The following NACC2 variants were observed in gnomAD, a reference collection of about 807,000 sequenced individuals.
NACC2 encodes NACC family member 2.
NACC2 carries 8 observed loss-of-function variants against 25.1 expected under a neutral mutation model. That is an observed-to-expected ratio of 0.32 (90% confidence interval 0.19 to 0.57). NACC2 has a LOEUF of 0.57. NACC2 is among the 20% of genes least tolerant of loss of function. The probability of loss-of-function intolerance (pLI) is 0.89; values close to 1 mark genes in which losing one functional copy is unlikely to be tolerated. For missense variants in NACC2, 644 were observed against 650.2 expected (o/e 0.99, Z 0.10); for synonymous variants, 435 against 294.7 (o/e 1.48, Z -4.88).
rs1019154810 is a variant in NACC2, at chr9:136,007,502, T to C, written c.*4014A>G. 32 of 130,160 alleles carry C rather than the reference T, an allele frequency of 2.5e-4. No individual in the cohort carries two copies. The highest frequency in any genetic ancestry group is 1.1e-3 in the Admixed American group (14 of 12,852). 8.1% of individuals were successfully genotyped at this position (130,160 alleles called of 1,614,324 possible). A position where few individuals can be genotyped will look rare whatever the true frequency, so the allele number is the denominator to read the frequency against. On this transcript the variant is annotated 3_prime_UTR_variant, in exon 6 of 6. Transcript: ENST00000277554. The stretch of plus-strand genomic sequence containing the variant: ...ACGCACACACGCACAGACACACACA[T>C]GCACAGACGCGCACACACAGACGCA...
intron 2 of NACC2, among the ~76,000 whole-genome samples, chr9:136,036,583 C>T (rs1304587425): frequency 2.0e-5 from 3 of 151,982 alleles, no homozygotes; most frequent in Non-Finnish European, 4.4e-5. Context: ...TAGCTGACAA[C>T]TGGCTATTAT....
At chr9:136,071,270 C>T (rs937220132) in intron 1 of NACC2, among the ~76,000 whole-genome samples, 4 of 150,662 alleles carry the variant, frequency 2.7e-5, no homozygotes, top group South Asian at 2.1e-4. Context: ...AAAGGCTGGG[C>T]GCGGTGGCTC....
intron 2 of NACC2, among the ~76,000 whole-genome samples, chr9:136,029,428 A>G (rs1840441347): frequency 1.3e-5 from 2 of 152,258 alleles, no homozygotes; most frequent in South Asian, 4.1e-4. Context: ...TTGTCTGCAT[A>G]CCTCATTTTC....
At chr9:136,082,479 A>G (rs1157260394) in intron 1 of NACC2, among the ~76,000 whole-genome samples, 3 of 152,176 alleles carry the variant, frequency 2.0e-5, no homozygotes, top group Admixed American at 6.5e-5. Flanking sequence ...AGGTCTGGGC[A>G]GGTGTGTGCA....
chr9:136,028,092 C>G (rs1282546457), intron 2 of NACC2, among the ~76,000 whole-genome samples: 1 of 151,882 alleles, frequency 6.6e-6, no homozygotes, highest in African/African-American at 2.4e-5. Context: ...AAACCCCCAT[C>G]TCTACTAAAA....
At chr9:136,057,925 T>C (rs964951204) in intron 1 of NACC2, among the ~76,000 whole-genome samples, 1 of 152,138 alleles carries the variant, frequency 6.6e-6, no homozygotes, top group Non-Finnish European at 1.5e-5. Flanking sequence ...ACCCAGCCCA[T>C]TAGAGACGGC....
intron 1 of NACC2, among the ~76,000 whole-genome samples, chr9:136,051,555 G>A (rs1319717450): frequency 6.6e-6 from 1 of 152,254 alleles, no homozygotes; most frequent in East Asian, 1.9e-4. Context: ...CAACTCCGCA[G>A]GGCCGCACAA....
chr9:136,013,362 C>T lies in NACC2; in HGVS notation c.1158-66G>A. On this transcript the variant is annotated intron_variant, in intron 4 of 5. Transcript: ENST00000277554. This position sits in a 1 kb window ranked among gnomAD's most constrained non-coding sequence, Gnocchi z 6.6. ...GGGGAGGGTACCTGGAGGCGACCCG[C>T]CCGCACGAATGCCCTGCTGGGAGGC... 2 of 1,475,294 alleles carry T rather than the reference C, an allele frequency of 1.4e-6. No homozygotes were observed. Among genetic ancestry groups the T allele is most frequent in the Non-Finnish European group, 1.9e-6 (2 of 1,068,484 alleles). 91.4% of individuals were successfully genotyped at this position (1,475,294 alleles called of 1,614,324 possible).
intron 1 of NACC2, among the ~76,000 whole-genome samples, chr9:136,083,206 CAG>C (rs1334753251): frequency 1.3e-5 from 2 of 152,234 alleles, no homozygotes; most frequent in Non-Finnish European, 2.9e-5. Flanking sequence ...CCACAGGGCT[CAG>C]GGGAGCTGGT....
chr9:136,044,585 G>GA (rs1361024448), intron 2 of NACC2, among the ~76,000 whole-genome samples: 6 of 151,924 alleles, frequency 3.9e-5, no homozygotes, highest in Non-Finnish European at 5.9e-5. Context: ...GGTGGTGGGG[G>GA]GGCTCTAACA....
At chr9:136,048,904 C>T (rs116676200) in intron 2 of NACC2, among the ~76,000 whole-genome samples, 6,591 of 152,354 alleles carry the variant, frequency 0.043, 372 homozygotes, top group East Asian at 0.19. Context: ...ATTATGCACC[C>T]GCACCCAGGC....
intron 2 of NACC2, among the ~76,000 whole-genome samples, chr9:136,028,571 A>G (rs1012841630): frequency 6.6e-6 from 1 of 152,042 alleles, no homozygotes; most frequent in African/African-American, 2.4e-5. Context: ...TGCCAGCTGT[A>G]GTGGGTGAGG....
At chr9:136,017,847 G>A (rs910650437) in intron 2 of NACC2, among the ~76,000 whole-genome samples, 5 of 152,186 alleles carry the variant, frequency 3.3e-5, no homozygotes, top group Admixed American at 6.5e-5. Context: ...ACACCCTACC[G>A]AGCGCAAGGC....
intron 3 of NACC2, among the ~76,000 whole-genome samples, chr9:136,015,134 A>C (rs1047535005): frequency 4.6e-5 from 7 of 152,252 alleles, no homozygotes; most frequent in African/African-American, 1.7e-4. Flanking sequence ...GGAGCTCATA[A>C]ACTGAAGCAC....
At chr9:136,023,495 TC>T (rs1365903199) in intron 2 of NACC2, among the ~76,000 whole-genome samples, 1 of 152,012 alleles carries the variant, frequency 6.6e-6, no homozygotes, top group African/African-American at 2.4e-5. Context: ...TGAGGCTTCC[TC>T]CAGGCCTGGC....
At chr9:136,047,859 C>T (rs1288339742) in intron 2 of NACC2, among the ~76,000 whole-genome samples, 2 of 152,186 alleles carry the variant, frequency 1.3e-5, no homozygotes, top group African/African-American at 4.8e-5. Flanking sequence ...GGGGCAGATG[C>T]ATGGGACAAG....
intron 2 of NACC2, among the ~76,000 whole-genome samples, chr9:136,042,984 A>G (rs2131156251): frequency 6.6e-6 from 1 of 151,752 alleles, no homozygotes; most frequent in South Asian, 2.1e-4. Context: ...ATAGACGCAG[A>G]CACACAGACA....
At chr9:136,080,043 G>A (rs1295773812) in intron 1 of NACC2, among the ~76,000 whole-genome samples, 2 of 152,218 alleles carry the variant, frequency 1.3e-5, no homozygotes, top group Non-Finnish European at 2.9e-5. Flanking sequence ...CCACACCCTT[G>A]GCCACCCACT....
intron 2 of NACC2, among the ~76,000 whole-genome samples, chr9:136,035,254 G>A (rs1436856045): frequency 1.3e-5 from 2 of 152,002 alleles, no homozygotes; most frequent in Admixed American, 6.5e-5. Context: ...GTGACCACCT[G>A]GCAGAGACCA....
Sources: allele counts gnomAD v4.1 joint callset (sites outside exome capture counted in the v4.1 genomes callset), GRCh38; gene constraint gnomAD v4.1.1; non-coding constraint Gnocchi (gnomAD v3.1); transcripts MANE v1.5; gene names NCBI Gene and HGNC (gene_info 2026-07-23, HGNC 2026-07-21).